The following AOAH variants were observed in gnomAD, a reference collection of about 807,000 sequenced individuals.
The protein encoded by AOAH is acyloxyacyl hydrolase (neutrophil).
AOAH carries 64 observed loss-of-function variants against 92.2 expected under a neutral mutation model. That is an observed-to-expected ratio of 0.69 (90% CI 0.57 to 0.86). The LOEUF (loss-of-function observed/expected upper bound fraction) is 0.86, where lower values mean the gene tolerates loss of function less well. Ranked by LOEUF, AOAH falls within the 40% of genes least tolerant of loss-of-function variation. The pLI is 0.00. For missense variants in AOAH, 656 were observed against 694.6 expected (o/e 0.94, Z 0.62); for synonymous variants, 263 against 254.5 (o/e 1.03, Z -0.32).
At chr7:36,638,192 G>A (rs1434546338) in intron 4 of AOAH, among the ~76,000 whole-genome samples, 2 of 152,158 alleles carry the variant, frequency 1.3e-5, no homozygotes, top group Non-Finnish European at 2.9e-5. Flanking sequence ...CGAGGAAACC[G>A]AGATGCAGAA....
rs57628897 is a variant in AOAH at position 36,523,629 on chromosome 7, G to GTTTTTTTTTTTTTTT, written c.1523-1529_1523-1515dup. ...TCAGTTTGCCTGGCCTGTTTTGCCT[G>GTTTTTTTTTTTTTTT]TTTTTTTTTTTTTTTTTTTTGGCAT... On this transcript the variant is annotated intron_variant, in intron 19 of 20. Coordinates refer to ENST00000617537, the MANE Select transcript of AOAH (RefSeq NM_001637.4). Among the ~76,000 whole-genome samples, 8 of 100,128 alleles carry GTTTTTTTTTTTTTTT rather than the reference G, an allele frequency of 8.0e-5. 1 individual carries two copies. Among genetic ancestry groups the GTTTTTTTTTTTTTTT allele is most frequent in the Admixed American group, 1.3e-4 (1 of 7,454 alleles). The allele number at this position is 100,128 out of a possible 152,430, so 65.7% of individuals were successfully genotyped here. A position where few individuals can be genotyped will look rare whatever the true frequency, so the allele number is the denominator to read the frequency against.
chr7:36,513,635 G>A (rs561928490), intron 20 of AOAH, among the ~76,000 whole-genome samples: 1 of 152,370 alleles, frequency 6.6e-6, no homozygotes, highest in Admixed American at 6.5e-5. Context: ...GGCCTTGCTA[G>A]TGACTGGCTT....
At chr7:36,524,107 T>A (rs1248087306) in intron 19 of AOAH, among the ~76,000 whole-genome samples, 1 of 152,072 alleles carries the variant, frequency 6.6e-6, no homozygotes, top group Non-Finnish European at 1.5e-5. Flanking sequence ...TTCACCAAAG[T>A]TCTTGATTAA....
At chr7:36,515,619 CACAT>C (rs1783610903) in intron 20 of AOAH, among the ~76,000 whole-genome samples, 1 of 128,352 alleles carries the variant, frequency 7.8e-6, no homozygotes, top group Non-Finnish European at 1.6e-5. Flanking sequence ...CCACACCACA[CACAT>C]AATCACACAC....
intron 5 of AOAH, among the ~76,000 whole-genome samples, chr7:36,637,588 C>G (rs149960259): frequency 2.6e-5 from 4 of 152,130 alleles, no homozygotes; most frequent in African/African-American, 9.6e-5. Flanking sequence ...GCTGAACACC[C>G]TACAAAGCCC....
intron 13 of AOAH, among the ~76,000 whole-genome samples, chr7:36,568,985 G>T (rs904152888): frequency 6.6e-6 from 1 of 152,284 alleles, no homozygotes; most frequent in South Asian, 2.1e-4. Flanking sequence ...GGGATGGGAG[G>T]AGGGGCAGGT....
chr7:36,677,306 T>C (rs1004428125), intron 2 of AOAH, among the ~76,000 whole-genome samples: 31 of 152,206 alleles, frequency 2.0e-4, no homozygotes, highest in Non-Finnish European at 1.2e-4. Context: ...CCAAAGAAGA[T>C]ATACCAATGT....
chr7:36,707,432 T>A lies in AOAH; in HGVS notation c.127+16590A>T, dbSNP rs555489756. 5.9e-5 allele frequency among the ~76,000 whole-genome samples: 9 copies of A among 152,230 alleles called. No individual in the cohort carries two copies. The South Asian group carries it at 1.9e-3, about 32-fold the overall frequency. ...CTACAGATATAATAATGAAAAAGTT[T>A]GAAATATCCTGAGAATTACCAAAAT... is the stretch of plus-strand genomic sequence containing the variant. On this transcript the variant is annotated intron_variant, in intron 1 of 20. Transcript: ENST00000617537.
At position 36,594,436 on chromosome 7, in the gene AOAH, G is replaced by A. The variant is rs1453926936; in HGVS notation, c.847-6C>T. On this transcript the variant is annotated splice_polypyrimidine_tract_variant and splice_region_variant and intron_variant, in intron 11 of 20. Transcript: ENST00000617537. Reference sequence around the variant, plus strand: ...GGTAGATTGATGAAAGAGTTCTAAGGAAAACAATAAAGTAGCAATTATCAA... The same window carrying A: ...GGTAGATTGATGAAAGAGTTCTAAGAAAAACAATAAAGTAGCAATTATCAA... The A allele has an allele frequency of 6.2e-7, 1 of 1,609,448 alleles. No homozygotes were observed. The highest frequency in any genetic ancestry group is 2.2e-5 in the East Asian group (1 of 44,864).
intron 2 of AOAH, among the ~76,000 whole-genome samples, chr7:36,678,613 G>GCA (rs1796454101): frequency 7.1e-6 from 1 of 140,714 alleles, no homozygotes; most frequent in Non-Finnish European, 1.5e-5. Flanking sequence ...GCGCGCGCGC[G>GCA]CGTTAGAATT....
chr7:36,554,242 T>C (rs972202478), intron 13 of AOAH, among the ~76,000 whole-genome samples: 3 of 152,138 alleles, frequency 2.0e-5, no homozygotes, highest in Admixed American at 1.3e-4. Context: ...AAATAGGGAG[T>C]CCTTTCCCCA....
chr7:36,692,044 G>A (rs1165280296), intron 1 of AOAH, among the ~76,000 whole-genome samples: 1 of 152,232 alleles, frequency 6.6e-6, no homozygotes, highest in Non-Finnish European at 1.5e-5. Flanking sequence ...ACCAACTGAA[G>A]AATTATCCAA....
At chr7:36,558,099 TC>T (rs1786923717) in intron 13 of AOAH, among the ~76,000 whole-genome samples, 2 of 152,296 alleles carry the variant, frequency 1.3e-5, no homozygotes, top group Admixed American at 1.3e-4. Flanking sequence ...CTCTGTTTTT[TC>T]CCCATCTTTG....
intron 4 of AOAH, among the ~76,000 whole-genome samples, chr7:36,656,540 G>A (rs1030906291): frequency 2.0e-5 from 3 of 151,904 alleles, no homozygotes; most frequent in East Asian, 1.9e-4. Context: ...TTAACTTGCC[G>A]GCTGCTCTAC....
At chr7:36,562,198 T>G (rs992728623) in intron 13 of AOAH, among the ~76,000 whole-genome samples, 3 of 152,224 alleles carry the variant, frequency 2.0e-5, no homozygotes, top group Admixed American at 6.5e-5. Context: ...GTTATCCTTT[T>G]GCCAGACTCA....
At chr7:36,536,450 C>A (rs759317809) in intron 16 of AOAH, among the ~76,000 whole-genome samples, 16 of 152,004 alleles carry the variant, frequency 1.1e-4, no homozygotes, top group Non-Finnish European at 2.1e-4. Context: ...ACTTGAGTGT[C>A]CAGCTGCTGA....
chr7:36,593,539 T>C (rs1427890353), intron 12 of AOAH, among the ~76,000 whole-genome samples: 3 of 152,224 alleles, frequency 2.0e-5, no homozygotes, highest in African/African-American at 4.8e-5. Flanking sequence ...GGTTCTGTCC[T>C]GTCTTTAGAC....
At chr7:36,667,163 C>T (rs547766773) in intron 3 of AOAH, among the ~76,000 whole-genome samples, 1 of 152,292 alleles carries the variant, frequency 6.6e-6, no homozygotes, top group African/African-American at 2.4e-5. Flanking sequence ...TTGTGGTCAA[C>T]TGTAGTCCAA....
At chr7:36,678,590 TGTGTGTGTGTGCGCGCGCGCG>T (rs1796424266) in intron 2 of AOAH, among the ~76,000 whole-genome samples, 1 of 93,386 alleles carries the variant, frequency 1.1e-5, no homozygotes, top group Admixed American at 1.0e-4. Context: ...TGTGTGTGTG[TGTGTGTGTGTGCGCGCGCGCG>T]CGCGTTAGAA....
Sources: allele counts gnomAD v4.1 joint callset (sites outside exome capture counted in the v4.1 genomes callset), GRCh38; gene constraint gnomAD v4.1.1; transcripts MANE v1.5; gene names NCBI Gene and HGNC (gene_info 2026-07-23, HGNC 2026-07-21).